The following MOBP variants were observed in gnomAD, a reference collection of about 807,000 sequenced individuals.
MOBP encodes myelin-associated oligodendrocyte basic protein.
MOBP carries 5 observed loss-of-function variants against 15.0 expected under a neutral mutation model. The observed-to-expected ratio is 0.33, with a 90% CI of 0.17 to 0.70. The LOEUF (loss-of-function observed/expected upper bound fraction) is 0.70, where lower values mean the gene tolerates loss of function less well. MOBP is among the 30% of genes least tolerant of loss of function. The probability of loss-of-function intolerance (pLI) is 0.67; values close to 1 mark genes in which losing one functional copy is unlikely to be tolerated. For synonymous variants in MOBP, 88 were observed against 99.0 expected (o/e 0.89, Z 0.66); for missense variants, 188 against 257.8 (o/e 0.73, Z 1.85).
At chr3:39,501,994 C>T in intron 2 of MOBP, 72 bp from the exon 3 acceptor site, 1 of 1,315,984 alleles carries the variant, frequency 7.6e-7, no homozygotes, top group Non-Finnish European at 1.1e-6. Flanking sequence ...CAGGGGGCTT[C>T]CAGAGTAGAG....
At chr3:39,499,439 G>A (rs1021584171) in intron 2 of MOBP, 1 of 152,392 alleles carries the variant, frequency 6.6e-6, no homozygotes, top group Non-Finnish European at 1.5e-5. Context: ...CTACCTTTCT[G>A]AATACCCATT....
chr3:39,502,950 C>CCATGGAGACAGCCCGG lies in MOBP; in HGVS notation c.*70_*71insCATGGAGACAGCCCGG. Reference sequence around the variant, plus strand: ...GCTTCCTGTGTTTACTAACACCGGGCTGTCTCCATGGCCCTCTTCAGCCTT... The same window carrying CCATGGAGACAGCCCGG: ...GCTTCCTGTGTTTACTAACACCGGGCCATGGAGACAGCCCGGTGTCTCCATGGCCCTCTTCAGCCTT... On this transcript the variant is annotated 3_prime_UTR_variant, in exon 4 of 4. Transcript: ENST00000684792. The surrounding 1 kb of genome is among the most constrained non-coding windows in gnomAD (Gnocchi z 6.3). 1 of 723,188 alleles carries CCATGGAGACAGCCCGG rather than the reference C, an allele frequency of 1.4e-6. No homozygotes were observed. Among genetic ancestry groups the CCATGGAGACAGCCCGG allele is most frequent in the Non-Finnish European group, 2.2e-6 (1 of 446,874 alleles). The allele number at this position is 723,188 out of a possible 1,614,324, so 44.8% of individuals were successfully genotyped here.
chr3:39,525,847 C>G (rs1242315009), downstream of MOBP: 1 of 152,376 alleles, frequency 6.6e-6, no homozygotes, highest in Non-Finnish European at 1.5e-5. Flanking sequence ...TTGGGGAGAC[C>G]ATGGGTCTCT....
At chr3:39,513,312 C>T (rs1311915460) in intron 4 of MOBP, 2 of 1,363,600 alleles carry the variant, frequency 1.5e-6, no homozygotes, top group Non-Finnish European at 2.1e-6. Context: ...ACTAACTGAA[C>T]ACAGAGAAAG....
intron 1 of MOBP, among the ~76,000 whole-genome samples, chr3:39,468,197 C>G (rs1708087): frequency 0.3 from 44,932 of 151,628 alleles, 8,968 homozygotes; most frequent in African/African-American, 0.57. Flanking sequence ...TGTGGGGGAT[C>G]TTAATGGAAC....
At chr3:39,522,813 G>T (rs904487722) in intron 3 of MOBP, among the ~76,000 whole-genome samples, 1 of 152,152 alleles carries the variant, frequency 6.6e-6, no homozygotes, top group African/African-American at 2.4e-5. Flanking sequence ...GGTTGGTTTT[G>T]CCCTCCAGCT....
intron 2 of MOBP, among the ~76,000 whole-genome samples, chr3:39,495,302 A>G (rs2042861609): frequency 7.3e-6 from 1 of 137,832 alleles, no homozygotes; most frequent in Non-Finnish European, 1.5e-5. Context: ...TAGATTTTGT[A>G]ATAACTGATG....
chr3:39,469,108 G>A (rs1006945342), intron 1 of MOBP, among the ~76,000 whole-genome samples: 2 of 51,148 alleles, frequency 3.9e-5, no homozygotes, highest in South Asian at 4.7e-4. Context: ...ATATGTGTGT[G>A]TATATATACA....
chr3:39,522,121 A>G (rs1347948624), intron 3 of MOBP, among the ~76,000 whole-genome samples: 1 of 152,224 alleles, frequency 6.6e-6, no homozygotes, highest in Non-Finnish European at 1.5e-5. Flanking sequence ...CTGGAAACAG[A>G]CATCCCTCTA....
At chr3:39,516,280 G>A (rs116640761), downstream of MOBP, among the ~76,000 whole-genome samples, 2,186 of 152,270 alleles carry the variant, frequency 0.014, 30 homozygotes, top group Non-Finnish European at 0.023. Flanking sequence ...AAAGTGCTGC[G>A]GGGAGGGCGG....
chr3:39,499,852 T>C (rs1575309144), intron 2 of MOBP: 1 of 354,722 alleles, frequency 2.8e-6, no homozygotes, highest in East Asian at 7.7e-5. Context: ...TGCAATTCAC[T>C]GTGTATCTGC....
chr3:39,494,782 GCC>G (rs142834446), intron 2 of MOBP, among the ~76,000 whole-genome samples: 2 of 85,948 alleles, frequency 2.3e-5, no homozygotes, highest in Non-Finnish European at 2.3e-5. Context: ...TATTTTCAAA[GCC>G]CCCCCCCGCC....
intron 1 of MOBP, among the ~76,000 whole-genome samples, chr3:39,469,272 AG>A (rs2042430979): frequency 7.7e-6 from 1 of 130,378 alleles, no homozygotes; most frequent in Admixed American, 8.0e-5. Flanking sequence ...GTATATGTAT[AG>A]ATATATATAC....
intron 1 of MOBP, among the ~76,000 whole-genome samples, chr3:39,468,576 TTTC>T (rs2042376380): frequency 6.6e-6 from 1 of 152,058 alleles, no homozygotes; most frequent in Non-Finnish European, 1.5e-5. Flanking sequence ...ATACAGAAAA[TTTC>T]AGGTGCAGCC....
At chr3:39,483,172 CA>C (rs1258990164) in intron 2 of MOBP, among the ~76,000 whole-genome samples, 12 of 152,198 alleles carry the variant, frequency 7.9e-5, no homozygotes, top group African/African-American at 2.9e-4. Flanking sequence ...GTCATATTGT[CA>C]GGGGCTAACA....
chr3:39,494,366 C>T (rs2042842423), intron 2 of MOBP, among the ~76,000 whole-genome samples: 1 of 152,100 alleles, frequency 6.6e-6, no homozygotes, highest in Non-Finnish European at 1.5e-5. Flanking sequence ...TCCTTCCCTT[C>T]ACTTTCTTCT....
At chr3:39,503,944 G>A (rs1014081642), downstream of MOBP, among the ~76,000 whole-genome samples, 7 of 152,144 alleles carry the variant, frequency 4.6e-5, no homozygotes, top group East Asian at 1.9e-4. Flanking sequence ...GCCTGGGTAT[G>A]TGCCTTTTTA....
rs142834446 is a variant in MOBP at position 39,494,782 on chromosome 3, GCCCCC to G, written c.-4-7279_-4-7275del. On this transcript the variant is annotated intron_variant, in intron 2 of 3. Coordinates refer to ENST00000684792, the MANE Select transcript of MOBP (RefSeq NM_001393704.1). ...CTTTATTTCATTTCATATTTTCAAA[GCCCCC>G]CCCCGCCCCCCGAGTTACGTGTTGT... Among the ~76,000 whole-genome samples the G allele has an allele frequency of 1.3e-4, 11 of 85,980 alleles. No homozygotes were observed. The South Asian group carries it at 5.3e-3, about 41-fold the overall frequency. The allele number at this position is 85,980 out of a possible 152,430, so 56.4% of individuals were successfully genotyped here. A position where few individuals can be genotyped will look rare whatever the true frequency, so the allele number is the denominator to read the frequency against.
chr3:39,508,355 A>G (rs768562183), intron 4 of MOBP, among the ~76,000 whole-genome samples: 3 of 152,084 alleles, frequency 2.0e-5, no homozygotes, highest in Admixed American at 1.3e-4. Context: ...GATATAGAAT[A>G]TTTTCATTAC....
Sources: allele counts gnomAD v4.1 joint callset (sites outside exome capture counted in the v4.1 genomes callset), GRCh38; gene constraint gnomAD v4.1.1; non-coding constraint Gnocchi (gnomAD v3.1); transcripts MANE v1.5; gene names NCBI Gene and HGNC (gene_info 2026-07-23, HGNC 2026-07-21).